Variants in KCTD1 observed in about 807,000 individuals in gnomAD.
The protein encoded by KCTD1 is BTB/POZ domain-containing protein KCTD1.
Under a neutral mutation model 66.0 loss-of-function variants are expected in KCTD1, and 24 were observed. The ratio of observed to expected loss-of-function variants is 0.36; its 90% CI spans 0.26 to 0.51. The LOEUF (loss-of-function observed/expected upper bound fraction) is 0.51, where lower values mean the gene tolerates loss of function less well. KCTD1 is among the 20% of genes least tolerant of loss of function. The pLI is 0.95. For synonymous variants in KCTD1, 511 were observed against 517.2 expected (o/e 0.99, Z 0.16); for missense variants, 943 against 1,205.2 (o/e 0.78, Z 3.22).
At chr18:26,494,013 G>A (rs969725911) in intron 2 of KCTD1, among the ~76,000 whole-genome samples, 2 of 152,158 alleles carry the variant, frequency 1.3e-5, no homozygotes, top group African/African-American at 2.4e-5. Flanking sequence ...TAAGAGCAAG[G>A]ACTTTTGTTG....
chr18:26,643,758 G>A (rs7241559), upstream of KCTD1, among the ~76,000 whole-genome samples: 350 of 152,176 alleles, frequency 2.3e-3, no homozygotes, highest in East Asian at 7.4e-3. Flanking sequence ...GTCAGGAGAT[G>A]GAGACCATCC....
chr18:26,538,378 C>G (rs1984810159), intron 1 of KCTD1, among the ~76,000 whole-genome samples: 1 of 152,098 alleles, frequency 6.6e-6, no homozygotes, highest in African/African-American at 2.4e-5. Flanking sequence ...TAAGGTAAAG[C>G]ATCCACACGG....
chr18:26,616,342 C>G (rs1051455189), intron 1 of KCTD1, among the ~76,000 whole-genome samples: 31 of 151,808 alleles, frequency 2.0e-4, no homozygotes, highest in African/African-American at 7.5e-4. Context: ...GGTTTATTCC[C>G]TTGTTTTATA....
chr18:26,483,841 T>G (rs1981779015), intron 2 of KCTD1, among the ~76,000 whole-genome samples: 1 of 150,538 alleles, frequency 6.6e-6, no homozygotes, highest in Non-Finnish European at 1.5e-5. Context: ...AGGGAAGGAG[T>G]CGTGGAGAGA....
intron 2 of KCTD1, among the ~76,000 whole-genome samples, chr18:26,494,926 T>C (rs922822308): frequency 2.0e-5 from 3 of 152,152 alleles, no homozygotes; most frequent in African/African-American, 7.2e-5. Context: ...CGAGACTACA[T>C]AACGAAGGTT....
chr18:26,635,743 T>C (rs1987710050), intron 1 of KCTD1, among the ~76,000 whole-genome samples: 1 of 152,118 alleles, frequency 6.6e-6, no homozygotes, highest in South Asian at 2.1e-4. Flanking sequence ...CCATAGTGCT[T>C]TGAGGACTAA....
intron 1 of KCTD1, among the ~76,000 whole-genome samples, chr18:26,638,743 A>C (rs1332831634): frequency 6.6e-6 from 1 of 152,062 alleles, no homozygotes; most frequent in Non-Finnish European, 1.5e-5. Flanking sequence ...ACAAGACCTC[A>C]CCCCTTTTGA....
chr18:26,594,030 C>G (rs1386391187), intron 1 of KCTD1, among the ~76,000 whole-genome samples: 1 of 152,202 alleles, frequency 6.6e-6, no homozygotes, highest in South Asian at 2.1e-4. Context: ...ATCCTTGATG[C>G]CTTCACTTAT....
At chr18:26,554,094 GAAA>G (rs964410953) in intron 1 of KCTD1, among the ~76,000 whole-genome samples, 1 of 146,042 alleles carries the variant, frequency 6.8e-6, no homozygotes, top group Non-Finnish European at 1.5e-5. Context: ...CAGAAAGAAA[GAAA>G]AAGAAGGAAG....
chr18:26,620,348 TAAAAAAAAAAAAAA>T lies in KCTD1; in HGVS notation c.-16+8785_-16+8798del, dbSNP rs10594272. ...GTTTGCATTTGCTGAAGGTAAATCT[TAAAAAAAAAAAAAA>T]AAAAAAAAAAAAAAAAAAAAAAACT... On this transcript the variant is annotated intron_variant, in intron 1 of 4. Transcript: ENST00000317932. Among the ~76,000 whole-genome samples the T allele has an allele frequency of 1.7e-3, 152 of 87,204 alleles. 2 individuals are homozygous for T. Among genetic ancestry groups the T allele is most frequent in the African/African-American group, 7.3e-3 (133 of 18,140 alleles). The allele number at this position is 87,204 out of a possible 152,430, so 57.2% of individuals were successfully genotyped here.
At chr18:26,475,912 T>G (rs1981322523) in intron 3 of KCTD1, among the ~76,000 whole-genome samples, 1 of 152,226 alleles carries the variant, frequency 6.6e-6, no homozygotes, top group African/African-American at 2.4e-5. Flanking sequence ...GCTGCTTTAA[T>G]GAGTTCTTTA....
intron 2 of KCTD1, among the ~76,000 whole-genome samples, chr18:26,483,952 C>G (rs1258310932): frequency 1.3e-5 from 2 of 152,068 alleles, no homozygotes; most frequent in South Asian, 2.1e-4. Context: ...TATATGAAAC[C>G]TTTAGAAAAG....
chr18:26,456,512 T>G (rs1472930734), intron 4 of KCTD1: 1 of 152,242 alleles, frequency 6.6e-6, no homozygotes, highest in Admixed American at 6.5e-5. Flanking sequence ...TAGAGGATTA[T>G]CTACAGGTTT....
chr18:26,657,088 C>T (rs917256432), intron 1 of KCTD1, among the ~76,000 whole-genome samples: 50 of 151,602 alleles, frequency 3.3e-4, no homozygotes, highest in African/African-American at 1.1e-3. Context: ...GCACCCGCTC[C>T]TCCTGCCCGC....
chr18:26,576,493 A>C (rs1986228694), intron 1 of KCTD1, among the ~76,000 whole-genome samples: 1 of 152,200 alleles, frequency 6.6e-6, no homozygotes, highest in Non-Finnish European at 1.5e-5. Flanking sequence ...TTAATTTATT[A>C]ATCTTTGCAA....
At chr18:26,465,201 A>G (rs1004011500) in intron 3 of KCTD1, among the ~76,000 whole-genome samples, 2 of 152,122 alleles carry the variant, frequency 1.3e-5, no homozygotes, top group African/African-American at 4.8e-5. Context: ...CTCCTGCCTC[A>G]GCCTCCAGAG....
At chr18:26,644,757 A>G (rs1398422362), upstream of KCTD1, among the ~76,000 whole-genome samples, 2 of 145,936 alleles carry the variant, frequency 1.4e-5, no homozygotes, top group Middle Eastern at 3.5e-3. Context: ...ACTCTGTCTA[A>G]AAAAAAAAAA....
intron 3 of KCTD1, among the ~76,000 whole-genome samples, chr18:26,462,895 C>T (rs1335132529): frequency 6.6e-6 from 1 of 152,132 alleles, no homozygotes; most frequent in Admixed American, 6.5e-5. Context: ...TTTCCTTAAG[C>T]CTTTGTTCTA....
intron 1 of KCTD1, among the ~76,000 whole-genome samples, chr18:26,592,794 G>A (rs914667322): frequency 6.6e-6 from 1 of 152,152 alleles, no homozygotes; most frequent in South Asian, 2.1e-4. Context: ...CTAATCTAAT[G>A]GGGAAATGGG....
Sources: gnomAD v4.1 joint callset for allele counts (sites outside exome capture counted in the v4.1 genomes callset) on GRCh38, gnomAD v4.1.1 for gene constraint, MANE v1.5 for transcripts, NCBI Gene and HGNC (gene_info 2026-07-23, HGNC 2026-07-21) for gene names.